Variants in ACAD11 observed in about 807,000 individuals in gnomAD.
The protein encoded by ACAD11 is acyl-CoA dehydrogenase family member 11, also known as acyl-Coenzyme A dehydrogenase family, member 11.
ACAD11 carries 83 observed loss-of-function variants against 102.2 expected under a neutral mutation model. That is an observed-to-expected ratio of 0.81 (90% CI 0.68 to 0.97). The LOEUF (loss-of-function observed/expected upper bound fraction) is 0.97. ACAD11 is among the 50% of genes least tolerant of loss of function. The pLI, the probability that ACAD11 is intolerant of heterozygous loss-of-function variation, is 0.00. For synonymous variants in ACAD11, 324 were observed against 319.8 expected, an observed-to-expected ratio of 1.01 and a Z score of -0.14; for missense variants, 901 against 951.7, an observed-to-expected ratio of 0.95 and a Z score of 0.70.
At chr3:132,577,128 T>A (rs1479347383) in intron 15 of ACAD11, 113 bp from the exon 16 acceptor site, 6 of 710,492 alleles carry the variant, frequency 8.4e-6, no homozygotes, top group Non-Finnish European at 1.4e-5. Flanking sequence ...CAAAGATCCA[T>A]ATGGCATGAA....
intron 13 of ACAD11, chr3:132,600,587 G>A (rs2107820300): frequency 1.2e-6 from 2 of 1,613,882 alleles, no homozygotes; most frequent in South Asian, 2.2e-5. Flanking sequence ...CATGGTAGTG[G>A]CAATTTATGC....
chr3:132,651,920 C>A (rs935169108), intron 1 of ACAD11, among the ~76,000 whole-genome samples: 1 of 152,192 alleles, frequency 6.6e-6, no homozygotes, highest in African/African-American at 2.4e-5. Context: ...GCAGAAGGGA[C>A]TTACCTTGTC....
rs536804518 is a variant in ACAD11, at chr3:132,628,104, A to G, written c.1070+236T>C. On this transcript the variant is annotated intron_variant, in intron 8 of 19. Coordinates refer to ENST00000264990, the MANE Select transcript of ACAD11 (RefSeq NM_032169.5). ...GAGAGTTTTATCTATATCCTTAAAC[A>G]TTTACACAATCAAGTGGCACAAAAA... Among the ~76,000 whole-genome samples the G allele has an allele frequency of 2.6e-5, 4 of 152,340 alleles. No individual in the cohort carries two copies. The South Asian group carries it at 6.2e-4, about 24-fold the overall frequency.
At chr3:132,567,813 A>G (rs1224784973) in intron 17 of ACAD11, among the ~76,000 whole-genome samples, 1 of 152,212 alleles carries the variant, frequency 6.6e-6, no homozygotes, top group African/African-American at 2.4e-5. Context: ...ACAAGATAAG[A>G]ATGTCAGTTC....
intron 13 of ACAD11, among the ~76,000 whole-genome samples, chr3:132,587,844 G>A (rs1937907645): frequency 6.6e-6 from 1 of 152,154 alleles, no homozygotes. Context: ...TAGCTGCAAG[G>A]TGCTTTGAGT....
rs1454129517 is a variant in ACAD11 at position 132,575,773 on chromosome 3, T to C, written c.2000A>G (p.His667Arg). The C allele has an allele frequency of 1.3e-5, 21 of 1,613,918 alleles. No homozygotes were observed. The highest frequency in any genetic ancestry group is 1.6e-5 in the Non-Finnish European group (19 of 1,179,962). Residue 667 changes from histidine to arginine, a missense_variant and splice_region_variant, in exon 17 of 20, where the codon CAT becomes CGT. His to Arg is a conservative substitution (Grantham distance 29). Coordinates refer to ENST00000264990, the MANE Select transcript of ACAD11 (RefSeq NM_032169.5). ...RIAFKKKLYA[H>R]EVVAHWIAES... ...ATTCAAATAAGTAATCGTCCTCACATGTGCATACAACTTCTTCTTGAAAGC... is the reference window on the plus strand; with the variant it reads ...ATTCAAATAAGTAATCGTCCTCACACGTGCATACAACTTCTTCTTGAAAGC...
intron 13 of ACAD11, chr3:132,600,259 T>C: frequency 2.6e-6 from 2 of 762,022 alleles, no homozygotes; most frequent in South Asian, 4.1e-5. Flanking sequence ...CAAAGAGTGC[T>C]AGATTCAGGC....
chr3:132,635,778 C>T (rs11926381), intron 5 of ACAD11, among the ~76,000 whole-genome samples: 14,040 of 152,018 alleles, frequency 0.092, 809 homozygotes, highest in Middle Eastern at 0.14. Flanking sequence ...CAAAACTTTG[C>T]CATTGTTACT....
intron 13 of ACAD11, among the ~76,000 whole-genome samples, chr3:132,602,679 C>CAA (rs1204000296): frequency 6.6e-6 from 1 of 152,080 alleles, no homozygotes; most frequent in Non-Finnish European, 1.5e-5. Flanking sequence ...TCTAAAACTA[C>CAA]AAAAAATGAC....
chr3:132,632,456 C>T (rs554620187), intron 5 of ACAD11, among the ~76,000 whole-genome samples: 204 of 152,214 alleles, frequency 1.3e-3, no homozygotes, highest in Non-Finnish European at 2.2e-3. Flanking sequence ...TAGTATATAG[C>T]GTATGATCCA....
In ACAD11 at chr3:132,626,806, G is replaced by T. The variant is rs763872740; in HGVS notation, c.1082C>A (p.Thr361Asn). ...AGTAGTATCAATCTGTGGTAGTACA[G>T]TACTGAAAGTTCTTTGCCAAAAGAA... is the stretch of plus-strand genomic sequence containing the variant. ...GLQLSKRTFS[T>N]VLPQIDTTGQ... is the part of the protein sequence containing the mutation. Residue 361 changes from threonine (T) to asparagine (N), a missense_variant, in exon 9 of 20, where the codon ACT (threonine) becomes AAT (asparagine). Thr to Asn is a moderately conservative substitution (Grantham distance 65, BLOSUM62 0). Coordinates refer to ENST00000264990, the MANE Select transcript of ACAD11 (RefSeq NM_032169.5). 43 of 1,605,484 alleles carry T rather than the reference G, an allele frequency of 2.7e-5. No homozygotes were observed. The highest frequency in any genetic ancestry group is 3.7e-5 in the Non-Finnish European group (43 of 1,177,882).
chr3:132,578,203 A>T (rs1305449962), intron 15 of ACAD11, among the ~76,000 whole-genome samples: 1 of 152,186 alleles, frequency 6.6e-6, no homozygotes, highest in African/African-American at 2.4e-5. Flanking sequence ...TACTAAAAAT[A>T]CAAAAATTAG....
In ACAD11 at chr3:132,642,186, C is replaced by T. The variant is rs542853234; in HGVS notation, c.376-53G>A. 1.4e-4 allele frequency: 205 copies of T among 1,444,594 alleles called. 1 individual carries two copies. Among genetic ancestry groups the T allele is most frequent in the Middle Eastern group, 1.1e-3 (6 of 5,494 alleles). 89.5% of individuals were successfully genotyped at this position (1,444,594 alleles called of 1,614,324 possible). On this transcript the variant is annotated intron_variant, in intron 3 of 19. Transcript: ENST00000264990. ...TAAATGTGTATAATCAATACTTTGTCGAATATACTAGAAAAACATTCATTT... is the reference window on the plus strand; with the variant it reads ...TAAATGTGTATAATCAATACTTTGTTGAATATACTAGAAAAACATTCATTT...
At chr3:132,600,023 T>G (rs1938497983) in intron 13 of ACAD11, among the ~76,000 whole-genome samples, 1 of 152,202 alleles carries the variant, frequency 6.6e-6, no homozygotes, top group South Asian at 2.1e-4. Flanking sequence ...ATTATAACAC[T>G]ATTTATTCTT....
At chr3:132,595,954 C>A (rs1320242636) in intron 13 of ACAD11, among the ~76,000 whole-genome samples, 1 of 152,076 alleles carries the variant, frequency 6.6e-6, no homozygotes, top group East Asian at 1.9e-4. Flanking sequence ...ATAAATTATT[C>A]TATTATAAAG....
intron 5 of ACAD11, among the ~76,000 whole-genome samples, chr3:132,639,133 C>T (rs941740746): frequency 3.3e-5 from 5 of 151,880 alleles, no homozygotes; most frequent in Non-Finnish European, 4.4e-5. Flanking sequence ...GCTAAAAACC[C>T]CAAAGAAGTA....
chr3:132,582,304 A>C (rs925726978), intron 13 of ACAD11, among the ~76,000 whole-genome samples: 3 of 151,444 alleles, frequency 2.0e-5, no homozygotes, highest in Non-Finnish European at 4.4e-5. Flanking sequence ...ATCTACAATT[A>C]TAATGGAAAC....
At chr3:132,591,302 A>G (rs1286370866) in intron 13 of ACAD11, among the ~76,000 whole-genome samples, 1 of 152,162 alleles carries the variant, frequency 6.6e-6, no homozygotes, top group Non-Finnish European at 1.5e-5. Flanking sequence ...CTTGTCAAAG[A>G]TCAGATGGTC....
At chr3:132,644,764 C>A in intron 2 of ACAD11, 33 bp downstream of exon 2, 1 of 1,409,754 alleles carries the variant, frequency 7.1e-7, no homozygotes, top group South Asian at 1.4e-5. Flanking sequence ...TATTTGTCAC[C>A]AAAGAATTTA....
Sources: allele counts gnomAD v4.1 joint callset (sites outside exome capture counted in the v4.1 genomes callset), GRCh38; gene constraint gnomAD v4.1.1; transcripts MANE v1.5; gene names NCBI Gene and HGNC (gene_info 2026-07-23, HGNC 2026-07-21).